DYNLT2: variants seen among roughly 807,000 people sequenced by gnomAD.
DYNLT2 encodes dynein light chain Tctex-type 2.
A neutral mutation model predicts 24.3 loss-of-function variants in DYNLT2; 24 were observed. That is an observed-to-expected ratio of 0.99 (90% CI 0.71 to 1.39). DYNLT2 has a LOEUF of 1.39. DYNLT2 is among the 40% of genes most tolerant of loss of function. The pLI is 0.00. For synonymous variants in DYNLT2, 85 were observed against 85.4 expected (o/e 1.00, Z 0.03); for missense variants, 246 against 234.5 (o/e 1.05, Z -0.32).
chr6:169,740,417 A>T (rs1789652146), intron 3 of DYNLT2, 122 bp from the exon 4 acceptor site: 1 of 643,134 alleles, frequency 1.6e-6, no homozygotes, highest in Non-Finnish European at 2.8e-6. Flanking sequence ...TTTAAGATGT[A>T]ATTTGTCTGG....
chr6:169,734,158 G>T, the DYNLT2 span, among the ~76,000 whole-genome samples: 1 of 152,168 alleles, frequency 6.6e-6, no homozygotes, highest in African/African-American at 2.4e-5. Flanking sequence ...TGCTGTAGTT[G>T]CTTATCAGTT....
chr6:169,736,565 G>A (rs372972486), downstream of DYNLT2, among the ~76,000 whole-genome samples: 1 of 152,040 alleles, frequency 6.6e-6, no homozygotes, highest in Non-Finnish European at 1.5e-5. Flanking sequence ...TTTCTCCTTC[G>A]CTTATGAAGC....
chr6:169,725,287 TC>T, the DYNLT2 span: 1 of 398,692 alleles, frequency 2.5e-6, no homozygotes, highest in South Asian at 1.3e-4. Flanking sequence ...TAAAGTACAA[TC>T]CGGTTTCCTT....
downstream of DYNLT2, among the ~76,000 whole-genome samples, chr6:169,737,652 G>C (rs1789589246): frequency 6.6e-6 from 1 of 152,148 alleles, no homozygotes; most frequent in African/African-American, 2.4e-5. Flanking sequence ...GTCACTCAAG[G>C]AAGCTGGAAA....
chr6:169,749,092 G>A (rs1033688856), intron 1 of DYNLT2, among the ~76,000 whole-genome samples: 2 of 151,988 alleles, frequency 1.3e-5, no homozygotes, highest in Non-Finnish European at 2.9e-5. Flanking sequence ...ACATGCTAGT[G>A]TTTAAGATTT....
chr6:169,746,576 C>T (rs182291837), intron 1 of DYNLT2, among the ~76,000 whole-genome samples: 1 of 152,302 alleles, frequency 6.6e-6, no homozygotes, highest in African/African-American at 2.4e-5. Flanking sequence ...TTGTCAACTA[C>T]AGCCCTTTAA....
chr6:169,745,129 G>A (rs1225623845), intron 1 of DYNLT2, among the ~76,000 whole-genome samples: 1 of 151,694 alleles, frequency 6.6e-6, no homozygotes, highest in African/African-American at 2.4e-5. Flanking sequence ...GTCTTGCTCA[G>A]TCGCCCAGGC....
chr6:169,727,686 C>T, the DYNLT2 span, among the ~76,000 whole-genome samples: 1 of 152,064 alleles, frequency 6.6e-6, no homozygotes, highest in Non-Finnish European at 1.5e-5. Flanking sequence ...GCCTCAGCCT[C>T]CCAAGTAGCT....
chr6:169,747,811 C>T (rs1029437518), intron 1 of DYNLT2, among the ~76,000 whole-genome samples: 9 of 152,068 alleles, frequency 5.9e-5, no homozygotes, highest in African/African-American at 2.2e-4. Flanking sequence ...TATTTTCGTG[C>T]TTTTCTGTAG....
chr6:169,729,730 T>C, the DYNLT2 span, among the ~76,000 whole-genome samples: 18 of 152,230 alleles, frequency 1.2e-4, no homozygotes, highest in South Asian at 2.9e-3. Context: ...ATGATGGGGA[T>C]TAATATCCTT....
the DYNLT2 span, among the ~76,000 whole-genome samples, chr6:169,727,785 G>A: frequency 1.3e-5 from 2 of 152,092 alleles, no homozygotes; most frequent in East Asian, 1.9e-4. Flanking sequence ...GGATGGTCTC[G>A]ATCTCCTGAC....
chr6:169,732,682 C>G, the DYNLT2 span, among the ~76,000 whole-genome samples: 2 of 152,206 alleles, frequency 1.3e-5, no homozygotes, highest in Non-Finnish European at 2.9e-5. Context: ...TCCAGTCTAT[C>G]ATTGATGGGC....
the DYNLT2 span, among the ~76,000 whole-genome samples, chr6:169,732,029 A>G: frequency 1.3e-5 from 2 of 152,242 alleles, no homozygotes; most frequent in African/African-American, 2.4e-5. Flanking sequence ...TCATCCTGAC[A>G]AGTTCATCAG....
At chr6:169,725,650 AAAAAC>A in the DYNLT2 span, 1 of 214,472 alleles carries the variant, frequency 4.7e-6, no homozygotes, top group Non-Finnish European at 9.1e-6. Flanking sequence ...TTTTAAGAAA[AAAAAC>A]AAAAACAAAA....
chr6:169,733,671 C>T, the DYNLT2 span, among the ~76,000 whole-genome samples: 2 of 152,150 alleles, frequency 1.3e-5, no homozygotes, highest in Middle Eastern at 3.2e-3. Context: ...CAGTACCATG[C>T]TGTTTTGGTT....
the DYNLT2 span, among the ~76,000 whole-genome samples, chr6:169,727,946 G>GA: frequency 2.0e-5 from 3 of 152,150 alleles, no homozygotes; most frequent in South Asian, 6.2e-4. Flanking sequence ...GTGTAGGGGA[G>GA]AGAGATACAG....
chr6:169,725,965 G>A, the DYNLT2 span: 10 of 152,210 alleles, frequency 6.6e-5, no homozygotes, highest in Non-Finnish European at 4.4e-5. Flanking sequence ...AACAACTTAC[G>A]TAATCCTCCT....
chr6:169,746,132 T>C (rs943881522), intron 1 of DYNLT2, among the ~76,000 whole-genome samples: 1 of 152,222 alleles, frequency 6.6e-6, no homozygotes, highest in Non-Finnish European at 1.5e-5. Flanking sequence ...CTTGCATTTC[T>C]GCTATTAGTA....
chr6:169,735,628 T>C (rs1789545179), downstream of DYNLT2, among the ~76,000 whole-genome samples: 1 of 152,236 alleles, frequency 6.6e-6, no homozygotes, highest in Non-Finnish European at 1.5e-5. Context: ...TCTAATTTGA[T>C]TGCACTGTCG....
Sources: allele counts gnomAD v4.1 joint callset (sites outside exome capture counted in the v4.1 genomes callset), GRCh38; gene constraint gnomAD v4.1.1; transcripts MANE v1.5; gene names NCBI Gene and HGNC (gene_info 2026-07-23, HGNC 2026-07-21).